The following PCDH15 variants were observed in gnomAD, a reference collection of about 807,000 sequenced individuals.
The protein encoded by PCDH15 is protocadherin-15.
A neutral mutation model predicts 178.5 loss-of-function variants in PCDH15; 129 were observed. The observed-to-expected ratio is 0.72, with a 90% confidence interval of 0.63 to 0.84. The LOEUF is 0.84. Ranked by LOEUF, PCDH15 falls within the 40% of genes least tolerant of loss-of-function variation. PCDH15 has a pLI of 0.00. For synonymous variants in PCDH15, 800 were observed against 732.0 expected (o/e 1.09, Z -1.50); for missense variants, 2,230 against 2,099.9 (o/e 1.06, Z -1.21).
At chr10:54,992,053 G>A (rs981371397) in intron 2 of PCDH15, among the ~76,000 whole-genome samples, 7 of 151,796 alleles carry the variant, frequency 4.6e-5, no homozygotes, top group Non-Finnish European at 1.0e-4. Flanking sequence ...TGATGCAAAT[G>A]TTTCTATGAT....
At chr10:54,313,781 T>C (rs1394698478) in intron 8 of PCDH15, among the ~76,000 whole-genome samples, 1 of 152,086 alleles carries the variant, frequency 6.6e-6, no homozygotes, top group African/African-American at 2.4e-5. Context: ...TACCCCAAAT[T>C]GAAAGTATAA....
At chr10:54,120,878 T>C (rs1371873051) in intron 15 of PCDH15, among the ~76,000 whole-genome samples, 1 of 152,008 alleles carries the variant, frequency 6.6e-6, no homozygotes, top group Non-Finnish European at 1.5e-5. Flanking sequence ...ATTAAACAGA[T>C]TGTCAAGGCA....
At chr10:54,995,465 A>G (rs1231826547) in intron 2 of PCDH15, among the ~76,000 whole-genome samples, 1 of 151,874 alleles carries the variant, frequency 6.6e-6, no homozygotes, top group Non-Finnish European at 1.5e-5. Context: ...GATTTTAAAA[A>G]TTTTGGTCTG....
chr10:55,548,058 A>G (rs564663852), intron 2 of PCDH15, among the ~76,000 whole-genome samples: 2 of 152,110 alleles, frequency 1.3e-5, no homozygotes, highest in African/African-American at 2.4e-5. Flanking sequence ...CCAGGCTCAC[A>G]TGAAAAAGAA....
At chr10:54,657,695 C>T (rs996273715) in intron 2 of PCDH15, among the ~76,000 whole-genome samples, 2 of 152,064 alleles carry the variant, frequency 1.3e-5, no homozygotes, top group Non-Finnish European at 1.5e-5. Flanking sequence ...TCACAGTAAT[C>T]CTCTAAAGGA....
At chr10:54,219,123 A>AC (rs2052459222) in intron 9 of PCDH15, among the ~76,000 whole-genome samples, 1 of 147,902 alleles carries the variant, frequency 6.8e-6, no homozygotes, top group African/African-American at 2.5e-5. Flanking sequence ...AAAAAACAAA[A>AC]AATTAGCCGG....
intron 3 of PCDH15, among the ~76,000 whole-genome samples, chr10:54,491,264 T>A (rs4935521): frequency 0.096 from 14,475 of 150,896 alleles, 905 homozygotes; most frequent in East Asian, 0.27. Flanking sequence ...TATTTTAAAT[T>A]TCTTAACAAA....
intron 14 of PCDH15, among the ~76,000 whole-genome samples, chr10:54,149,809 C>T (rs1392173602): frequency 2.0e-5 from 3 of 152,108 alleles, no homozygotes; most frequent in African/African-American, 4.8e-5. Flanking sequence ...GTTTTCAACA[C>T]TCTAGACTAG....
intron 2 of PCDH15, among the ~76,000 whole-genome samples, chr10:55,503,201 G>C (rs1840692229): frequency 6.6e-6 from 1 of 150,994 alleles, no homozygotes; most frequent in Non-Finnish European, 1.5e-5. Context: ...ATTCTACACT[G>C]TTTCCTCAAT....
At chr10:54,029,493 T>C (rs895614404) in intron 18 of PCDH15, among the ~76,000 whole-genome samples, 1 of 152,132 alleles carries the variant, frequency 6.6e-6, no homozygotes, top group Non-Finnish European at 1.5e-5. Context: ...TGTGAATGCA[T>C]ATTGCTGGGA....
intron 28 of PCDH15, among the ~76,000 whole-genome samples, chr10:53,844,339 G>T (rs948901756): frequency 6.6e-6 from 1 of 151,808 alleles, no homozygotes; most frequent in Non-Finnish European, 1.5e-5. Context: ...GTACATGAAG[G>T]TTCATTAAAT....
chr10:53,997,897 G>T (rs1264888101), intron 20 of PCDH15, among the ~76,000 whole-genome samples: 2 of 152,126 alleles, frequency 1.3e-5, no homozygotes, highest in Non-Finnish European at 1.5e-5. Context: ...ATACTTTGGG[G>T]TTATAATCTT....
At chr10:54,962,379 G>A (rs534732299) in intron 2 of PCDH15, among the ~76,000 whole-genome samples, 31 of 152,242 alleles carry the variant, frequency 2.0e-4, no homozygotes, top group African/African-American at 6.5e-4. Flanking sequence ...GACTGAAAGA[G>A]CTGTAACATA....
intron 13 of PCDH15, among the ~76,000 whole-genome samples, chr10:54,167,045 C>T (rs113315379): frequency 0.017 from 2,650 of 152,296 alleles, 88 homozygotes; most frequent in African/African-American, 0.061. Context: ...TCGGACTCAG[C>T]CCGCCTGCAC....
At chr10:54,390,527 C>T (rs183604904) in intron 3 of PCDH15, among the ~76,000 whole-genome samples, 2 of 152,148 alleles carry the variant, frequency 1.3e-5, no homozygotes, top group Non-Finnish European at 2.9e-5. Context: ...TATCTCCTGA[C>T]CTCGTGGTCC....
At chr10:55,429,927 C>A (rs1838843885) in intron 2 of PCDH15, among the ~76,000 whole-genome samples, 1 of 151,930 alleles carries the variant, frequency 6.6e-6, no homozygotes, top group Non-Finnish European at 1.5e-5. Context: ...TTTTAATTCC[C>A]CAAATCAACC....
chr10:54,226,393 T>C (rs2053451258), intron 9 of PCDH15, among the ~76,000 whole-genome samples: 1 of 152,128 alleles, frequency 6.6e-6, no homozygotes, highest in African/African-American at 2.4e-5. Flanking sequence ...TCCCACAACA[T>C]GTGGGAATTT....
intron 2 of PCDH15, among the ~76,000 whole-genome samples, chr10:54,629,766 C>A (rs1159169318): frequency 1.3e-5 from 2 of 151,940 alleles, no homozygotes; most frequent in Non-Finnish European, 2.9e-5. Context: ...GAAAAAAATA[C>A]AAGGCATCTA....
intron 2 of PCDH15, among the ~76,000 whole-genome samples, chr10:54,991,856 A>G (rs866494675): frequency 7.2e-5 from 11 of 152,260 alleles, no homozygotes; most frequent in Middle Eastern, 3.4e-3. Flanking sequence ...GCAACTAAGT[A>G]GGGCATACTG....
Sources: allele counts gnomAD v4.1 joint callset (sites outside exome capture counted in the v4.1 genomes callset), GRCh38; gene constraint gnomAD v4.1.1; transcripts MANE v1.5; gene names NCBI Gene and HGNC (gene_info 2026-07-23, HGNC 2026-07-21).